ZCCHC14: variants seen among roughly 807,000 people sequenced by gnomAD.
ZCCHC14 encodes zinc finger CCHC domain-containing protein 14.
In ZCCHC14, 16 loss-of-function variants were observed where a neutral mutation model predicts 85.0. That is an observed-to-expected ratio of 0.19 (90% CI 0.13 to 0.29). The LOEUF is 0.29. ZCCHC14 is among the 10% of genes least tolerant of loss of function. ZCCHC14 has a pLI of 1.00. For synonymous variants in ZCCHC14, 775 were observed against 630.7 expected, an observed-to-expected ratio of 1.23 and a Z score of -3.43; for missense variants, 1,303 against 1,443.5, an observed-to-expected ratio of 0.90 and a Z score of 1.58.
intron 1 of ZCCHC14, chr16:87,473,887 A>G (rs764094657): frequency 1.3e-5 from 2 of 152,122 alleles, no homozygotes; most frequent in African/African-American, 2.4e-5. Flanking sequence ...AAAATCGGCT[A>G]GCAGGCTTTG....
chr16:87,462,137 G>T (rs992870561), intron 1 of ZCCHC14, among the ~76,000 whole-genome samples: 2 of 121,566 alleles, frequency 1.6e-5, no homozygotes, highest in Non-Finnish European at 3.6e-5. Context: ...AAAAAAAAAA[G>T]TCCTAGCCAT....
intron 1 of ZCCHC14, among the ~76,000 whole-genome samples, chr16:87,468,155 T>C (rs1911614994): frequency 6.6e-6 from 1 of 152,206 alleles, no homozygotes; most frequent in African/African-American, 2.4e-5. Flanking sequence ...TAAAGATTCA[T>C]GTGTTTTTTT....
At chr16:87,434,408 C>A (rs1909812903) in intron 2 of ZCCHC14, among the ~76,000 whole-genome samples, 1 of 152,262 alleles carries the variant, frequency 6.6e-6, no homozygotes, top group South Asian at 2.1e-4. Context: ...GAGCTTTACA[C>A]ATAACTGGGA....
intron 3 of ZCCHC14, among the ~76,000 whole-genome samples, chr16:87,432,154 G>T (rs772773049): frequency 6.6e-6 from 1 of 152,162 alleles, no homozygotes; most frequent in African/African-American, 2.4e-5. Context: ...TCTGTCTGGA[G>T]AGCACTCTCC....
At chr16:87,457,726 A>C (rs561661531) in intron 2 of ZCCHC14, among the ~76,000 whole-genome samples, 15 of 151,976 alleles carry the variant, frequency 9.9e-5, no homozygotes, top group Non-Finnish European at 1.9e-4. Context: ...ATAGTAATAA[A>C]ACTATACAAC....
At chr16:87,411,399 AG>A in intron 12 of ZCCHC14, 116 bp downstream of exon 12, 4 of 1,522,830 alleles carry the variant, frequency 2.6e-6, no homozygotes, top group Non-Finnish European at 3.5e-6. Flanking sequence ...GCTTTCAAAG[AG>A]CATTCGAAAA....
chr16:87,475,130 AC>A (rs1172082957), intron 1 of ZCCHC14, among the ~76,000 whole-genome samples: 2 of 152,160 alleles, frequency 1.3e-5, no homozygotes, highest in Non-Finnish European at 2.9e-5. Flanking sequence ...CACAGGACAC[AC>A]CCATGCTGCC....
At chr16:87,478,132 G>C (rs540407874) in intron 1 of ZCCHC14, among the ~76,000 whole-genome samples, 1 of 152,282 alleles carries the variant, frequency 6.6e-6, no homozygotes, top group African/African-American at 2.4e-5. Context: ...TGGTATGCTG[G>C]TTTAAAAGCC....
At chr16:87,419,523 G>C (rs1009156320) in intron 6 of ZCCHC14, among the ~76,000 whole-genome samples, 10 of 151,200 alleles carry the variant, frequency 6.6e-5, no homozygotes, top group Non-Finnish European at 1.5e-4. Context: ...GGCTGGTCTT[G>C]AACTCCTGAC....
intron 8 of ZCCHC14, among the ~76,000 whole-genome samples, chr16:87,416,335 C>T (rs1908781771): frequency 6.6e-6 from 1 of 152,230 alleles, no homozygotes; most frequent in Non-Finnish European, 1.5e-5. Context: ...TACGCAAACA[C>T]ACCAGCCTCT....
chr16:87,452,137 A>G (rs75090661), intron 2 of ZCCHC14, among the ~76,000 whole-genome samples: 2,470 of 152,368 alleles, frequency 0.016, 25 homozygotes, highest in Middle Eastern at 0.048. Context: ...AGGGACCCAC[A>G]AAGTGACAGA....
chr16:87,466,347 G>GC (rs1215687018), intron 1 of ZCCHC14, among the ~76,000 whole-genome samples: 1 of 152,196 alleles, frequency 6.6e-6, no homozygotes, highest in Admixed American at 6.5e-5. Flanking sequence ...TGGAAGCACA[G>GC]CCCCCCAACA....
At chr16:87,445,287 G>C (rs562071663) in intron 2 of ZCCHC14, among the ~76,000 whole-genome samples, 3 of 151,996 alleles carry the variant, frequency 2.0e-5, no homozygotes, top group African/African-American at 4.8e-5. Context: ...GGATGGTCTC[G>C]ATCTCTTGAC....
chr16:87,447,146 C>T (rs1047868153), intron 2 of ZCCHC14, among the ~76,000 whole-genome samples: 1 of 152,140 alleles, frequency 6.6e-6, no homozygotes, highest in East Asian at 1.9e-4. Context: ...TCTTTTGGGG[C>T]AGAGCCTTAT....
At chr16:87,476,565 A>T (rs1788201937) in intron 1 of ZCCHC14, among the ~76,000 whole-genome samples, 1 of 152,138 alleles carries the variant, frequency 6.6e-6, no homozygotes, top group Admixed American at 6.6e-5. Flanking sequence ...TGTAAAGTTC[A>T]GTATCTACAG....
At chr16:87,489,881 G>C (rs1157286246) in intron 1 of ZCCHC14, among the ~76,000 whole-genome samples, 1 of 152,206 alleles carries the variant, frequency 6.6e-6, no homozygotes, top group Non-Finnish European at 1.5e-5. Context: ...TCCCCTTAAA[G>C]AGATGACGTT....
At chr16:87,416,020 G>A (rs568936911) in intron 8 of ZCCHC14, among the ~76,000 whole-genome samples, 3 of 152,142 alleles carry the variant, frequency 2.0e-5, no homozygotes, top group African/African-American at 7.2e-5. Flanking sequence ...TCCACCTCCC[G>A]GGTTCAAGTA....
rs1655489824 is a variant in ZCCHC14, at chr16:87,420,421, A to C, written c.950+186T>G. Among the ~76,000 whole-genome samples, 1 of 151,868 alleles carries C rather than the reference A, an allele frequency of 6.6e-6. No individual in the cohort carries two copies. The highest frequency in any genetic ancestry group is 1.5e-5 in the Non-Finnish European group (1 of 67,960). ...TTCCCTTCCTCACACACTCAGAACC[A>C]CTCTCAGCTTACTGAGGGCTCCCGA... is the stretch of plus-strand genomic sequence containing the variant. On this transcript the variant is annotated intron_variant, in intron 5 of 12. Transcript: ENST00000671377. The surrounding 1 kb of genome is among the most constrained non-coding windows in gnomAD (Gnocchi z 5.0).
chr16:87,483,717 G>C (rs764221504), intron 1 of ZCCHC14, among the ~76,000 whole-genome samples: 3 of 152,208 alleles, frequency 2.0e-5, no homozygotes, highest in African/African-American at 4.8e-5. Flanking sequence ...TAGGGAAACA[G>C]GCCTTGTATG....
Sources: allele counts gnomAD v4.1 joint callset (sites outside exome capture counted in the v4.1 genomes callset), GRCh38; gene constraint gnomAD v4.1.1; non-coding constraint Gnocchi (gnomAD v3.1); transcripts MANE v1.5; gene names NCBI Gene and HGNC (gene_info 2026-07-23, HGNC 2026-07-21).